Variants in POTEJ observed in about 807,000 individuals in gnomAD.
POTEJ encodes the protein POTE ankyrin domain family member J.
POTEJ carries 11 observed loss-of-function variants against 69.0 expected under a neutral mutation model. The observed-to-expected ratio is 0.16, with a 90% CI of 0.10 to 0.26. The LOEUF is 0.26. Among genes scored for constraint, POTEJ ranks in the 10% least tolerant of loss-of-function variants. The pLI is 1.00. For synonymous variants in POTEJ, 117 were observed against 381.1 expected (o/e 0.31, Z 8.07); for missense variants, 327 against 1,045.5 (o/e 0.31, Z 9.48).
chr2:130,632,166 G>T (rs1243401712), intron 8 of POTEJ, among the ~76,000 whole-genome samples: 22 of 151,066 alleles, frequency 1.5e-4, no homozygotes, highest in African/African-American at 5.4e-4. Flanking sequence ...GAGTCAAATG[G>T]GGTAAATACA....
chr2:130,648,450 T>G (rs1424484546), intron 13 of POTEJ, among the ~76,000 whole-genome samples: 1 of 140,270 alleles, frequency 7.1e-6, no homozygotes, highest in Non-Finnish European at 1.5e-5. Context: ...AAATTTTCTT[T>G]CCATTCACTC....
At chr2:130,612,432 T>C (rs1430709519) in intron 1 of POTEJ, among the ~76,000 whole-genome samples, 3 of 150,728 alleles carry the variant, frequency 2.0e-5, no homozygotes, top group Non-Finnish European at 3.0e-5. Flanking sequence ...AATGGGAAGA[T>C]GGTTCCTGTG....
intron 14 of POTEJ, among the ~76,000 whole-genome samples, chr2:130,655,388 G>T (rs1335657472): frequency 1.3e-5 from 2 of 152,190 alleles, no homozygotes; most frequent in Non-Finnish European, 2.9e-5. Context: ...TGTTAATAGA[G>T]AAGTCAATTG....
chr2:130,630,853 T>C (rs1328791008), intron 7 of POTEJ, among the ~76,000 whole-genome samples: 1 of 144,412 alleles, frequency 6.9e-6, no homozygotes, highest in Non-Finnish European at 1.5e-5. Flanking sequence ...TATGACAGTA[T>C]ATAATCTCAA....
intron 10 of POTEJ, among the ~76,000 whole-genome samples, chr2:130,640,511 G>A (rs1284570983): frequency 6.6e-6 from 1 of 151,740 alleles, no homozygotes; most frequent in African/African-American, 2.4e-5. Flanking sequence ...GATATCCTAG[G>A]ATCCCACCTG....
intron 6 of POTEJ, among the ~76,000 whole-genome samples, chr2:130,624,519 C>T (rs572904689): frequency 5.6e-4 from 85 of 151,830 alleles, no homozygotes; most frequent in African/African-American, 1.9e-3. Context: ...CTAATGCTAT[C>T]ACTGATCTGA....
intron 9 of POTEJ, among the ~76,000 whole-genome samples, chr2:130,637,535 A>C (rs1351020749): frequency 6.6e-6 from 1 of 151,968 alleles, no homozygotes; most frequent in Non-Finnish European, 1.5e-5. Flanking sequence ...AGTAGCTTTA[A>C]GGAAATGGTG....
At chr2:130,640,810 G>T (rs1446653384) in intron 10 of POTEJ, among the ~76,000 whole-genome samples, 2 of 152,220 alleles carry the variant, frequency 1.3e-5, no homozygotes, top group Non-Finnish European at 1.5e-5. Flanking sequence ...TGAGGAGGGG[G>T]ATTGGGATAT....
rs561684081 is a variant in POTEJ at position 130,652,226 on chromosome 2, C to T, written c.1668-2695C>T. Among the ~76,000 whole-genome samples, 30 of 136,344 alleles carry T rather than the reference C, an allele frequency of 2.2e-4. 2 individuals carry two copies. The highest frequency in any genetic ancestry group is 2.2e-3 in the Admixed American group (30 of 13,904). 89.4% of individuals were successfully genotyped at this position (136,344 alleles called of 152,430 possible). A position where few individuals can be genotyped will look rare whatever the true frequency, so the allele number is the denominator to read the frequency against. Reference sequence around the variant, plus strand: ...GTGCCTGCTTCCCCTTCCCCTTCTACCATGGTTGTTAAGTTTCCTGAGGCC... The same window carrying T: ...GTGCCTGCTTCCCCTTCCCCTTCTATCATGGTTGTTAAGTTTCCTGAGGCC... On this transcript the variant is annotated intron_variant, in intron 13 of 14. Coordinates refer to ENST00000409602, the MANE Select transcript of POTEJ (RefSeq NM_001277083.2).
At chr2:130,611,274 C>T (rs1685196969), upstream of POTEJ, among the ~76,000 whole-genome samples, 1 of 133,038 alleles carries the variant, frequency 7.5e-6, no homozygotes, top group African/African-American at 3.3e-5. Context: ...GTTTGGCATT[C>T]CCTTGGGTGG....
intron 7 of POTEJ, among the ~76,000 whole-genome samples, 173 bp from the exon 8 acceptor site, chr2:130,631,236 A>C (rs1294863837): frequency 5.6e-5 from 8 of 142,806 alleles, no homozygotes; most frequent in African/African-American, 2.2e-4. Flanking sequence ...GTTAATTCTT[A>C]ATTTTAATTA....
intron 9 of POTEJ, among the ~76,000 whole-genome samples, chr2:130,634,941 C>T (rs2105228896): frequency 6.6e-6 from 1 of 152,326 alleles, no homozygotes; most frequent in Non-Finnish European, 1.5e-5. Flanking sequence ...TGCATTTTTT[C>T]TTACACCTCA....
At chr2:130,640,013 T>C (rs1205455253) in intron 10 of POTEJ, among the ~76,000 whole-genome samples, 58 of 151,582 alleles carry the variant, frequency 3.8e-4, no homozygotes, top group Non-Finnish European at 6.8e-4. Flanking sequence ...ATAATTATGA[T>C]TTATTATATG....
At chr2:130,628,008 A>G (rs1685773577) in intron 6 of POTEJ, among the ~76,000 whole-genome samples, 1 of 143,048 alleles carries the variant, frequency 7.0e-6, no homozygotes, top group East Asian at 2.0e-4. Context: ...GCTACATAGT[A>G]TCATCTCAGC....
chr2:130,620,156 AGTT>A lies in POTEJ; in HGVS notation c.806+6_806+8del. ...TGCACTGGATAGATATGGAAGGTAT[AGTT>A]CTTTCTTTTAATCTGTGTTCTAGAT... On this transcript the variant is annotated splice_donor_region_variant and intron_variant, in intron 4 of 14. Coordinates refer to ENST00000409602, the MANE Select transcript of POTEJ (RefSeq NM_001277083.2). The A allele has an allele frequency of 1.1e-6, 1 of 888,902 alleles. No homozygotes were observed. Among genetic ancestry groups the A allele is most frequent in the African/African-American group, 2.0e-5 (1 of 50,314 alleles). The allele number at this position is 888,902 out of a possible 1,614,324, so 55.1% of individuals were successfully genotyped here. A position where few individuals can be genotyped will look rare whatever the true frequency, so the allele number is the denominator to read the frequency against.
At chr2:130,647,286 A>G (rs1161680001) in intron 13 of POTEJ, among the ~76,000 whole-genome samples, 21 of 151,182 alleles carry the variant, frequency 1.4e-4, no homozygotes, top group African/African-American at 4.9e-4. Flanking sequence ...TACATGCTAC[A>G]TTGACACTGT....
At chr2:130,612,405 C>T (rs533832402) in intron 1 of POTEJ, among the ~76,000 whole-genome samples, 1 of 149,616 alleles carries the variant, frequency 6.7e-6, no homozygotes, top group Non-Finnish European at 1.5e-5. Context: ...TACTGAGGAA[C>T]CTTAGAAGGA....
rs1328607432 is a variant in POTEJ, at chr2:130,613,255, CACATATAT to C, written c.410+1323_410+1330del. 1.5e-3 allele frequency among the ~76,000 whole-genome samples: 131 copies of C among 84,618 alleles called. 3 individuals are homozygous for C. Among genetic ancestry groups the C allele is most frequent in the African/African-American group, 4.8e-3 (123 of 25,868 alleles). The allele number at this position is 84,618 out of a possible 152,430, so 55.5% of individuals were successfully genotyped here. ...ATATACATATATATACATATATATA[CACATATAT>C]ACATATATATACATATGTATATATA... On this transcript the variant is annotated intron_variant, in intron 1 of 14. Coordinates refer to ENST00000409602, the MANE Select transcript of POTEJ (RefSeq NM_001277083.2).
chr2:130,614,273 C>T, intron 1 of POTEJ, among the ~76,000 whole-genome samples: 2 of 152,058 alleles, frequency 1.3e-5, no homozygotes. Context: ...GTTGCTGCAG[C>T]TTTTCAAACA....
Sources: allele counts gnomAD v4.1 joint callset (sites outside exome capture counted in the v4.1 genomes callset), GRCh38; gene constraint gnomAD v4.1.1; transcripts MANE v1.5; gene names NCBI Gene and HGNC (gene_info 2026-07-23, HGNC 2026-07-21).